The following PZP variants were observed in gnomAD, a reference collection of about 807,000 sequenced individuals.
The protein encoded by PZP is pregnancy zone protein.
A neutral mutation model predicts 179.8 loss-of-function variants in PZP; 150 were observed. The observed-to-expected ratio is 0.83, with a 90% confidence interval of 0.73 to 0.96. The LOEUF (loss-of-function observed/expected upper bound fraction) is 0.96, where lower values mean the gene tolerates loss of function less well. Among genes scored for constraint, PZP ranks in the 40% least tolerant of loss-of-function variants. The probability of loss-of-function intolerance (pLI) is 0.00; values close to 1 mark genes in which losing one functional copy is unlikely to be tolerated. For synonymous variants in PZP, 624 were observed against 652.3 expected, an observed-to-expected ratio of 0.96 and a Z score of 0.66; for missense variants, 1,689 against 1,764.0, an observed-to-expected ratio of 0.96 and a Z score of 0.76.
In PZP at chr12:9,149,756, A is replaced by G. The variant is rs1168690362; in HGVS notation, c.4385-154T>C. On this transcript the variant is annotated intron_variant, in intron 34 of 35. Transcript: ENST00000261336. ...TAGACAAGAATTAAACAGGATCATTAACATATTTATATTCTCTTTCCCTGA... is the reference window on the plus strand; with the variant it reads ...TAGACAAGAATTAAACAGGATCATTGACATATTTATATTCTCTTTCCCTGA... Among the ~76,000 whole-genome samples, 3 of 152,344 alleles carry G rather than the reference A, an allele frequency of 2.0e-5. No homozygotes were observed. The East Asian group carries it at 5.8e-4, about 29-fold the overall frequency.
At chr12:9,140,188 C>A in the PZP span, among the ~76,000 whole-genome samples, 3 of 152,190 alleles carry the variant, frequency 2.0e-5, no homozygotes, top group Non-Finnish European at 4.4e-5. Flanking sequence ...GTGAAATGGC[C>A]ATGATCCTGT....
At chr12:9,179,951 A>G (rs1942645041) in intron 15 of PZP, among the ~76,000 whole-genome samples, 1 of 152,220 alleles carries the variant, frequency 6.6e-6, no homozygotes, top group African/African-American at 2.4e-5. Flanking sequence ...CTTATCTTGA[A>G]CAAATCTCTC....
intron 17 of PZP, chr12:9,168,486 C>T (rs1348471156): frequency 1.2e-5 from 2 of 172,566 alleles, no homozygotes; most frequent in Admixed American, 1.2e-4. Context: ...CTGTGATGTT[C>T]ACGTTGTTTC....
chr12:9,167,962 T>C (rs1235277729), intron 17 of PZP, among the ~76,000 whole-genome samples: 1 of 152,200 alleles, frequency 6.6e-6, no homozygotes, highest in African/African-American at 2.4e-5. Context: ...GTTTGAAATT[T>C]GTGCTATCAT....
At position 9,170,677 on chromosome 12, in the gene PZP, T is replaced by C. The variant is rs1226989231; in HGVS notation, c.1840-1086A>G. On this transcript the variant is annotated intron_variant, in intron 15 of 35. Transcript: ENST00000261336. The surrounding 1 kb of genome is among the most constrained non-coding windows in gnomAD (Gnocchi z 4.6). ...AGCCTGAAGGCTTGGGGAATACAGA[T>C]GGTCTGGATGAGGAACGGTCCCCCA... Among the ~76,000 whole-genome samples the C allele has an allele frequency of 6.6e-6, 1 of 152,114 alleles. No individual in the cohort carries two copies. Among genetic ancestry groups the C allele is most frequent in the East Asian group, 1.9e-4 (1 of 5,176 alleles).
chr12:9,188,726 A>G (rs1483914737), intron 13 of PZP, among the ~76,000 whole-genome samples: 2 of 152,220 alleles, frequency 1.3e-5, no homozygotes, highest in Non-Finnish European at 2.9e-5. Flanking sequence ...CTATACACCA[A>G]CAACAGTCAA....
At chr12:9,183,068 A>G (rs1012769899) in intron 13 of PZP, among the ~76,000 whole-genome samples, 1 of 152,240 alleles carries the variant, frequency 6.6e-6, no homozygotes, top group Admixed American at 6.5e-5. Context: ...AATGTAGGAC[A>G]AGGACAATTA....
At position 9,160,350 on chromosome 12, in the gene PZP, C is replaced by G; in HGVS notation, c.3013G>C (p.Glu1005Gln). The G allele has an allele frequency of 6.2e-7, 1 of 1,614,136 alleles. No homozygotes were observed. The highest frequency in any genetic ancestry group is 1.1e-5 in the South Asian group (1 of 91,070). The change falls in exon 24 of 36, where the codon GAG (glutamate) becomes CAG (glutamine). Residue 1005 changes from glutamate (E) to glutamine (Q), a missense_variant. Physicochemically the swap from Glu to Gln is conservative, Grantham distance 29 (BLOSUM62 2). Coordinates refer to ENST00000261336, the MANE Select transcript of PZP (RefSeq NM_002864.3). ...YLNETQQLTQEIKAKAVGYLI... is the reference protein window; with the variant it reads ...YLNETQQLTQQIKAKAVGYLI... ...TAGCCAACGGCCTTGGCCTTGATCT[C>G]CTGCGTCAGCTGCTGGGTTTCATTC...
intron 10 of PZP, among the ~76,000 whole-genome samples, chr12:9,194,698 T>C (rs1943664906): frequency 6.6e-6 from 1 of 152,070 alleles, no homozygotes; most frequent in Admixed American, 6.5e-5. Context: ...TCGCCTGACC[T>C]CGTGATCTGC....
At chr12:9,177,665 A>C (rs1942482947) in intron 15 of PZP, among the ~76,000 whole-genome samples, 1 of 152,194 alleles carries the variant, frequency 6.6e-6, no homozygotes, top group Non-Finnish European at 1.5e-5. Flanking sequence ...TGGGTGAACT[A>C]ATGATTTCTA....
rs1943883768 is a variant in PZP at position 9,197,648 on chromosome 12, A to AT, written c.756-526_756-525insA. Among the ~76,000 whole-genome samples the AT allele has an allele frequency of 7.0e-5, 7 of 99,414 alleles. 1 individual carries two copies. The highest frequency in any genetic ancestry group is 5.8e-4 in the Admixed American group (4 of 6,868). 65.2% of individuals were successfully genotyped at this position (99,414 alleles called of 152,430 possible). On this transcript the variant is annotated intron_variant, in intron 7 of 35. Transcript: ENST00000261336. ...TATTATATTATATATTATATTATAT[A>AT]ATATAATATAAAATTATTATATATA... is the stretch of plus-strand genomic sequence containing the variant.
At chr12:9,153,077 T>C (rs1276355078) in intron 30 of PZP, 48 bp downstream of exon 30, 12 of 1,607,580 alleles carry the variant, frequency 7.5e-6, no homozygotes, top group African/African-American at 2.7e-5. Flanking sequence ...TCCATTTCAA[T>C]TGGCAAGTTT....
At chr12:9,161,321 C>T (rs775315823) in intron 22 of PZP, among the ~76,000 whole-genome samples, 3 of 152,238 alleles carry the variant, frequency 2.0e-5, no homozygotes, top group South Asian at 4.1e-4. Context: ...TCAATTTCAA[C>T]GAATGTGAGC....
At position 9,154,829 on chromosome 12, in the gene PZP, G is replaced by A. The variant is rs758707024; in HGVS notation, c.3561C>T (p.Val1187=). 6.2e-7 allele frequency: 1 copy of A among 1,613,910 alleles called. No homozygotes were observed. Among genetic ancestry groups the A allele is most frequent in the African/African-American group, 1.3e-5 (1 of 75,048 alleles). ...DKEAVKEDNL[V]HWERPQRPKA... is the part of the protein sequence containing the mutation. The stretch of plus-strand genomic sequence containing the variant: ...TGGGTCTCTGAGGGCGCTCCCAATG[G>A]ACGAGGTTGTCTTAAGGGTGAGAAA... The change falls in exon 29 of 36, where the codon GTC becomes GTT. Residue 1187 remains valine, a synonymous_variant. Coordinates refer to ENST00000261336, the MANE Select transcript of PZP (RefSeq NM_002864.3).
chr12:9,205,788 A>C (rs1305549561), intron 1 of PZP, among the ~76,000 whole-genome samples: 1 of 152,222 alleles, frequency 6.6e-6, no homozygotes, highest in Non-Finnish European at 1.5e-5. Context: ...TGACACAAGA[A>C]ACCCAATATT....
intron 15 of PZP, among the ~76,000 whole-genome samples, chr12:9,177,087 C>T (rs753741162): frequency 6.6e-5 from 10 of 152,174 alleles, no homozygotes; most frequent in Non-Finnish European, 1.0e-4. Context: ...TAATCTCTGC[C>T]TCCTGGTATT....
rs1480349389 is a variant in PZP at position 9,158,586 on chromosome 12, G to A, written c.3138-10C>T. 3.7e-6 allele frequency: 6 copies of A among 1,613,422 alleles called. No individual in the cohort carries two copies. The highest frequency in any genetic ancestry group is 2.2e-5 in the East Asian group (1 of 44,860). ...TACAAAAGCTGTGAGCCTAGGGGGAGGAAAAATGCAGTGCTGAGGCTCTTT... is the reference window on the plus strand; with the variant it reads ...TACAAAAGCTGTGAGCCTAGGGGGAAGAAAAATGCAGTGCTGAGGCTCTTT... On this transcript the variant is annotated splice_polypyrimidine_tract_variant and intron_variant, in intron 25 of 35. Transcript: ENST00000261336.
chr12:9,205,540 G>T (rs1322850207), intron 1 of PZP, among the ~76,000 whole-genome samples: 1 of 152,126 alleles, frequency 6.6e-6, no homozygotes, highest in Admixed American at 6.6e-5. Flanking sequence ...ATCCATAACA[G>T]ATAGATAAAA....
At chr12:9,161,609 C>A (rs944963056) in intron 22 of PZP, among the ~76,000 whole-genome samples, 18 of 152,118 alleles carry the variant, frequency 1.2e-4, no homozygotes. Context: ...AGACTTATAA[C>A]CATGATAATA....
Sources: gnomAD v4.1 joint callset for allele counts (sites outside exome capture counted in the v4.1 genomes callset) on GRCh38, gnomAD v4.1.1 for gene constraint, Gnocchi (gnomAD v3.1) non-coding constraint, MANE v1.5 for transcripts, NCBI Gene and HGNC (gene_info 2026-07-23, HGNC 2026-07-21) for gene names.